EFHB: variants seen among roughly 807,000 people sequenced by gnomAD.
EFHB encodes EF-hand domain family member B.
In EFHB, 91 loss-of-function variants were observed where a neutral mutation model predicts 87.2. The ratio of observed to expected loss-of-function variants is 1.04; its 90% CI spans 0.88 to 1.24. The LOEUF is 1.24. EFHB is among the 50% of genes most tolerant of loss of function. The pLI is 0.00. For synonymous variants in EFHB, 325 were observed against 333.6 expected (o/e 0.97, Z 0.28); for missense variants, 1,084 against 998.8 (o/e 1.09, Z -1.15).
At chr3:19,941,090 T>G in intron 1 of EFHB, 1 of 374,230 alleles carries the variant, frequency 2.7e-6, no homozygotes, top group South Asian at 3.8e-5. Context: ...TCATTAGGGC[T>G]GATGCTCTTA....
chr3:19,894,087 G>A (rs1429041578), intron 9 of EFHB, among the ~76,000 whole-genome samples: 1 of 152,172 alleles, frequency 6.6e-6, no homozygotes, highest in East Asian at 1.9e-4. Context: ...CATAGTCTAT[G>A]ATAGCTAGGA....
At chr3:19,898,936 A>G in intron 7 of EFHB, 91 bp from the exon 8 acceptor site, 1 of 1,270,632 alleles carries the variant, frequency 7.9e-7, no homozygotes, top group Non-Finnish European at 1.1e-6. Flanking sequence ...TTAGTAGCCC[A>G]TATTTTATCT....
intron 9 of EFHB, among the ~76,000 whole-genome samples, chr3:19,890,699 A>G (rs1362779192): frequency 2.6e-5 from 4 of 152,160 alleles, no homozygotes; most frequent in South Asian, 2.1e-4. Context: ...TTACAAGTCT[A>G]TAACTGGTGG....
chr3:19,908,437 G>A (rs1221944514), intron 5 of EFHB, among the ~76,000 whole-genome samples: 1 of 151,902 alleles, frequency 6.6e-6, no homozygotes, highest in Non-Finnish European at 1.5e-5. Flanking sequence ...GGAGGCTGAG[G>A]CAGGAGAATT....
chr3:19,910,571 C>T (rs1274586457), intron 5 of EFHB, among the ~76,000 whole-genome samples: 1 of 152,190 alleles, frequency 6.6e-6, no homozygotes, highest in Non-Finnish European at 1.5e-5. Flanking sequence ...GCTTTACCAC[C>T]TGTTAATTGT....
chr3:19,913,914 C>T (rs1488112470), intron 5 of EFHB, among the ~76,000 whole-genome samples: 1 of 152,088 alleles, frequency 6.6e-6, no homozygotes, highest in Non-Finnish European at 1.5e-5. Context: ...GCAAAGGTGC[C>T]AAGAACATAC....
chr3:19,934,148 ACTCCCTGTCCATTGCTTC>A lies in EFHB; in HGVS notation c.-148_-131del. The A allele has an allele frequency of 6.9e-7, 1 of 1,449,152 alleles. No individual in the cohort carries two copies. Among genetic ancestry groups the A allele is most frequent in the South Asian group, 1.5e-5 (1 of 67,708 alleles). The allele number at this position is 1,449,152 out of a possible 1,614,324, so 89.8% of individuals were successfully genotyped here. A position where few individuals can be genotyped will look rare whatever the true frequency, so the allele number is the denominator to read the frequency against. ...CAGGAAAGAGCACAACCTCACTCGG[ACTCCCTGTCCATTGCTTC>A]CTGCCTGCCTCTTAACACCTAGCCG... On this transcript the variant is annotated 5_prime_UTR_variant, in exon 1 of 13. An upstream start codon of the reference 5' UTR is lost. Transcript: ENST00000295824.
chr3:19,880,721 A>C (rs1373701256), intron 12 of EFHB, among the ~76,000 whole-genome samples: 1 of 152,210 alleles, frequency 6.6e-6, no homozygotes, highest in Non-Finnish European at 1.5e-5. Context: ...ATCTCTCTAC[A>C]GTGATAATTA....
At chr3:19,891,174 C>T (rs1694294177) in intron 9 of EFHB, among the ~76,000 whole-genome samples, 1 of 152,128 alleles carries the variant, frequency 6.6e-6, no homozygotes, top group Non-Finnish European at 1.5e-5. Flanking sequence ...TCAGGTGATC[C>T]TCCTGCCTCA....
chr3:19,930,692 G>A (rs1027215727), intron 1 of EFHB, among the ~76,000 whole-genome samples: 6 of 152,118 alleles, frequency 3.9e-5, no homozygotes, highest in Admixed American at 2.0e-4. Flanking sequence ...CTGGAACCTT[G>A]AACTCCCAGG....
chr3:19,923,572 G>A (rs1004423777), intron 1 of EFHB, among the ~76,000 whole-genome samples: 1 of 152,026 alleles, frequency 6.6e-6, no homozygotes, highest in Non-Finnish European at 1.5e-5. Flanking sequence ...ACGAGTTTTT[G>A]ACATGTTGCA....
chr3:19,929,969 C>T (rs1042991393), intron 1 of EFHB, among the ~76,000 whole-genome samples: 3 of 152,004 alleles, frequency 2.0e-5, no homozygotes, highest in South Asian at 2.1e-4. Context: ...TGACTTTAGC[C>T]GAATTACCTA....
chr3:19,933,445 C>T lies in EFHB; in HGVS notation c.574G>A (p.Val192Met), dbSNP rs142191021. Residue 192 changes from valine to methionine, a missense_variant, in exon 1 of 13, where the codon GTG becomes ATG. Physicochemically the swap from Val to Met is conservative, Grantham distance 21. Coordinates refer to ENST00000295824, the MANE Select transcript of EFHB (RefSeq NM_144715.4). ...PNTEIKLPVEVDIGLTQAEGP... is the reference protein window; with the variant it reads ...PNTEIKLPVEMDIGLTQAEGP... ...TCGGCTTGGGTTAGTCCAATGTCCA[C>T]CTCCACAGGAAGCTTAATCTCTGTG... The T allele has an allele frequency of 1.9e-5, 31 of 1,614,010 alleles. No individual in the cohort carries two copies. Among genetic ancestry groups the T allele is most frequent in the Admixed American group, 1.5e-4 (9 of 60,018 alleles).
Position 19,879,532 on chromosome 3 carries a change from T to G in EFHB, c.*99A>C, listed in dbSNP as rs146002232. The G allele has an allele frequency of 1.8e-5, 24 of 1,332,258 alleles. No homozygotes were observed. The East Asian group carries it at 2.9e-4, about 16-fold the overall frequency. The allele number at this position is 1,332,258 out of a possible 1,614,324, so 82.5% of individuals were successfully genotyped here. A position where few individuals can be genotyped will look rare whatever the true frequency, so the allele number is the denominator to read the frequency against. ...TACAGGCATATGAGTCTTACCACTG[T>G]GAACTCTAACATAATATCTAAAACC... On this transcript the variant is annotated 3_prime_UTR_variant, in exon 13 of 13. Transcript: ENST00000295824.
intron 1 of EFHB, among the ~76,000 whole-genome samples, chr3:19,927,154 C>T (rs1695660304): frequency 6.6e-6 from 1 of 152,222 alleles, no homozygotes; most frequent in South Asian, 2.1e-4. Flanking sequence ...TTTACCAATG[C>T]ACTTTGTATG....
chr3:19,902,210 A>G (rs574876903), intron 6 of EFHB, among the ~76,000 whole-genome samples: 21 of 152,292 alleles, frequency 1.4e-4, no homozygotes, highest in African/African-American at 5.1e-4. Flanking sequence ...TCATTCGTTC[A>G]CACATGCGCA....
intron 5 of EFHB, among the ~76,000 whole-genome samples, chr3:19,914,372 G>A (rs1695156656): frequency 6.6e-6 from 1 of 152,154 alleles, no homozygotes; most frequent in Non-Finnish European, 1.5e-5. Context: ...ACGTGTATCA[G>A]TCTACTTCTC....
At position 19,896,797 on chromosome 3, in the gene EFHB, GA is replaced by G. The variant is rs752786436; in HGVS notation, c.1614del (p.Arg539GlufsTer9). Reference sequence around the variant, plus strand: ...AGGGCTCGCTGTCTATCCTTGCCTCGAAGATATTCATCCGGAAGTCTATTAT... The same window carrying G: ...AGGGCTCGCTGTCTATCCTTGCCTCGAGATATTCATCCGGAAGTCTATTAT... Reference protein sequence around the residue: ...LIHNRLPDEYLRGKDRQRALI... With the variant: ...LIHNRLPDEYXRGKDRQRALI... On this transcript the variant is annotated frameshift_variant, in exon 9 of 13. Transcript: ENST00000295824. LOFTEE classifies it high-confidence loss of function. 65 of 1,613,734 alleles carry G rather than the reference GA, an allele frequency of 4.0e-5. No individual in the cohort carries two copies. Among genetic ancestry groups the G allele is most frequent in the Non-Finnish European group, 5.3e-5 (62 of 1,179,874 alleles).
At chr3:19,886,187 G>C (rs1473736214) in intron 10 of EFHB, among the ~76,000 whole-genome samples, 1 of 152,152 alleles carries the variant, frequency 6.6e-6, no homozygotes, top group Non-Finnish European at 1.5e-5. Flanking sequence ...GAAAGGGTTG[G>C]AGTAGAGCTG....
Sources: gnomAD v4.1 joint callset for allele counts (sites outside exome capture counted in the v4.1 genomes callset) on GRCh38, gnomAD v4.1.1 for gene constraint, MANE v1.5 for transcripts, NCBI Gene and HGNC (gene_info 2026-07-23, HGNC 2026-07-21) for gene names.